Variants in GRAMD4 observed in about 807,000 individuals in gnomAD.
GRAMD4 encodes the protein GRAM domain containing 4.
A neutral mutation model predicts 83.9 loss-of-function variants in GRAMD4; 25 were observed. The ratio of observed to expected loss-of-function variants is 0.30; its 90% confidence interval spans 0.22 to 0.42. GRAMD4 has a LOEUF of 0.42. Ranked by LOEUF, GRAMD4 falls within the 10% of genes least tolerant of loss-of-function variation. The probability of loss-of-function intolerance (pLI) is 1.00; values close to 1 mark genes in which losing one functional copy is unlikely to be tolerated. For synonymous variants in GRAMD4, 336 were observed against 320.9 expected (o/e 1.05, Z -0.50); for missense variants, 593 against 788.7 (o/e 0.75, Z 2.97).
chr22:46,652,989 A>G (rs1360438404), intron 3 of GRAMD4, among the ~76,000 whole-genome samples: 1 of 152,136 alleles, frequency 6.6e-6, no homozygotes, highest in African/African-American at 2.4e-5. Flanking sequence ...TGTGATCATC[A>G]TTTCAGTTTC....
At chr22:46,603,515 C>CTTTTTTTTTTTT (rs71192425) in intron 1 of GRAMD4, among the ~76,000 whole-genome samples, 1 of 81,590 alleles carries the variant, frequency 1.2e-5, no homozygotes, top group African/African-American at 4.4e-5. Flanking sequence ...GGCCTCTTCT[C>CTTTTTTTTTTTT]TTTTTTTTTT....
intron 3 of GRAMD4, among the ~76,000 whole-genome samples, chr22:46,648,956 A>T (rs1183172053): frequency 1.4e-5 from 2 of 144,754 alleles, no homozygotes; most frequent in African/African-American, 2.6e-5. Context: ...GGATGGATGG[A>T]TGGATGGATG....
In GRAMD4 at chr22:46,663,118, G is replaced by A; in HGVS notation, c.545G>A (p.Arg182Gln). The A allele has an allele frequency of 5.0e-6, 8 of 1,612,400 alleles. No individual in the cohort carries two copies. The highest frequency in any genetic ancestry group is 6.8e-6 in the Non-Finnish European group (8 of 1,179,590). Reference sequence around the variant, plus strand: ...TTTGGGGAGTACGTGGAGGACTTCCGGTTCCAGCCCGAGGAGAACACTGTG... The same window carrying A: ...TTTGGGGAGTACGTGGAGGACTTCCAGTTCCAGCCCGAGGAGAACACTGTG... ...ERFGEYVEDF[R>Q]FQPEENTVET... The change falls in exon 6 of 19, where the codon CGG (arginine) becomes CAG (glutamine). Residue 182 changes from arginine (R) to glutamine (Q), a missense_variant. Transcript: ENST00000406902.
exon 1 of GRAMD4, chr22:46,577,166 C>A (rs2081049743): frequency 2.2e-6 from 1 of 447,328 alleles, no homozygotes; most frequent in Non-Finnish European, 2.9e-6. Flanking sequence ...CCCGCGGGGC[C>A]GCCTCCTCCC....
chr22:46,594,429 G>A (rs2147021618), intron 1 of GRAMD4, among the ~76,000 whole-genome samples: 1 of 152,300 alleles, frequency 6.6e-6, no homozygotes, highest in African/African-American at 2.4e-5. Flanking sequence ...ATGGGTGTGA[G>A]GGGCCAGGTG....
At position 46,679,373 on chromosome 22, in the gene GRAMD4, C is replaced by T. The variant is rs963792835; in HGVS notation, c.*2122C>T. The T allele has an allele frequency of 1.2e-5, 12 of 985,178 alleles. No homozygotes were observed. The highest frequency in any genetic ancestry group is 4.7e-5 in the South Asian group (1 of 21,286). The allele number at this position is 985,178 out of a possible 1,614,324, so 61.0% of individuals were successfully genotyped here. On this transcript the variant is annotated 3_prime_UTR_variant, in exon 19 of 19. Transcript: ENST00000406902. ...CGAAGCCCCCAGGGAGGGCCACATT[C>T]GGGGAGCGGGGGGTCGGGGGAGGGC... is the stretch of plus-strand genomic sequence containing the variant.
rs991574147 is a variant in GRAMD4, at chr22:46,672,563, G to T, written c.1085-280G>T. 7.2e-5 allele frequency among the ~76,000 whole-genome samples: 11 copies of T among 152,054 alleles called. No individual in the cohort carries two copies. The highest frequency in any genetic ancestry group is 2.7e-4 in the African/African-American group (11 of 41,462). ...GAGAGAGAAGTGAGGGGCATTGGATGGGGGGGTCCTAGCAGAGCTGAGGGG... is the reference window on the plus strand; with the variant it reads ...GAGAGAGAAGTGAGGGGCATTGGATTGGGGGGTCCTAGCAGAGCTGAGGGG... On this transcript the variant is annotated intron_variant, in intron 13 of 18. Coordinates refer to ENST00000406902, the MANE Select transcript of GRAMD4 (RefSeq NM_015124.5). The surrounding 1 kb of genome is among the most constrained non-coding windows in gnomAD (Gnocchi z 4.7).
At chr22:46,589,353 TG>T (rs2081183959) in intron 1 of GRAMD4, among the ~76,000 whole-genome samples, 1 of 16,152 alleles carries the variant, frequency 6.2e-5, no homozygotes, top group Non-Finnish European at 1.2e-4. Flanking sequence ...CTCTGATATG[TG>T]GGGGAGTCCT....
At chr22:46,612,864 C>T (rs2081431666) in intron 1 of GRAMD4, among the ~76,000 whole-genome samples, 1 of 152,184 alleles carries the variant, frequency 6.6e-6, no homozygotes, top group African/African-American at 2.4e-5. Flanking sequence ...TTCCCGGGGC[C>T]CCCAGGCTGA....
intron 1 of GRAMD4, among the ~76,000 whole-genome samples, chr22:46,587,680 G>A (rs532771762): frequency 2.6e-5 from 4 of 152,146 alleles, no homozygotes; most frequent in African/African-American, 9.6e-5. Context: ...GAGAAGCCTA[G>A]GCAGGCACAC....
chr22:46,643,132 CAT>C (rs2082004008), intron 3 of GRAMD4, among the ~76,000 whole-genome samples: 1 of 134,620 alleles, frequency 7.4e-6, no homozygotes, highest in Non-Finnish European at 1.6e-5. Context: ...TGCATCCATC[CAT>C]GCATCCTTCC....
At chr22:46,630,965 T>C (rs986791042) in intron 2 of GRAMD4, among the ~76,000 whole-genome samples, 6 of 151,288 alleles carry the variant, frequency 4.0e-5, no homozygotes, top group Non-Finnish European at 8.9e-5. Context: ...CAGTGTGCCC[T>C]CCATAGCTCC....
intron 3 of GRAMD4, among the ~76,000 whole-genome samples, chr22:46,639,149 CGTGA>C (rs778063719): frequency 2.5e-5 from 3 of 119,456 alleles, no homozygotes; most frequent in Non-Finnish European, 3.5e-5. Flanking sequence ...ACGGTGTGTG[CGTGA>C]GTGTGTGTGT....
chr22:46,604,218 T>C (rs917495206), intron 1 of GRAMD4, among the ~76,000 whole-genome samples: 2 of 152,210 alleles, frequency 1.3e-5, no homozygotes, highest in Non-Finnish European at 2.9e-5. Flanking sequence ...AGTCCGGCTT[T>C]TCAGAATTTT....
At chr22:46,597,074 C>G (rs2081268801) in intron 1 of GRAMD4, among the ~76,000 whole-genome samples, 1 of 152,148 alleles carries the variant, frequency 6.6e-6, no homozygotes. Context: ...GTCCTGCCCT[C>G]CCCTGGGAAT....
chr22:46,601,958 G>A (rs1469879427), intron 1 of GRAMD4, among the ~76,000 whole-genome samples: 1 of 152,194 alleles, frequency 6.6e-6, no homozygotes, highest in South Asian at 2.1e-4. Flanking sequence ...GCCCTTCTTG[G>A]GCAGCTCTTG....
intron 3 of GRAMD4, among the ~76,000 whole-genome samples, chr22:46,643,135 GCATCCTTCCATCCATCCATCCATC>G (rs2082004741): frequency 5.0e-4 from 4 of 7,992 alleles, no homozygotes; most frequent in South Asian, 8.1e-3. Context: ...ATCCATCCAT[GCATCCTTCCATCCATCCATCCATC>G]CATCCATCCA....
At chr22:46,636,348 C>T (rs766030190) in intron 2 of GRAMD4, among the ~76,000 whole-genome samples, 36 of 152,172 alleles carry the variant, frequency 2.4e-4, no homozygotes, top group Non-Finnish European at 4.1e-4. Flanking sequence ...GTCCGTCCAG[C>T]GGGCGGGACA....
intron 1 of GRAMD4, among the ~76,000 whole-genome samples, chr22:46,611,833 A>C (rs376760189): frequency 2.2e-5 from 3 of 133,880 alleles, no homozygotes; most frequent in East Asian, 3.9e-4. Flanking sequence ...TACTAAAAAT[A>C]CAAAAAAAAA....
Sources: gnomAD v4.1 joint callset for allele counts (sites outside exome capture counted in the v4.1 genomes callset) on GRCh38, gnomAD v4.1.1 for gene constraint, Gnocchi (gnomAD v3.1) non-coding constraint, MANE v1.5 for transcripts, NCBI Gene and HGNC (gene_info 2026-07-23, HGNC 2026-07-21) for gene names.